The following SLC12A7 variants were observed in gnomAD, a reference collection of about 807,000 sequenced individuals.
SLC12A7 encodes the protein solute carrier family 12 member 7, also known as K-Cl cotransporter 4.
In SLC12A7, 100 loss-of-function variants were observed where a neutral mutation model predicts 120.6. The observed-to-expected ratio is 0.83, with a 90% CI of 0.71 to 0.98. The LOEUF (loss-of-function observed/expected upper bound fraction) is 0.98, where lower values mean the gene tolerates loss of function less well. SLC12A7 is among the 50% of genes least tolerant of loss of function. SLC12A7 has a pLI of 0.00. For missense variants in SLC12A7, 1,373 were observed against 1,548.1 expected (o/e 0.89, Z 1.90); for synonymous variants, 760 against 678.0 (o/e 1.12, Z -1.88).
At chr5:1,080,425 C>T (rs141890143) in intron 9 of SLC12A7, among the ~76,000 whole-genome samples, 107 of 152,318 alleles carry the variant, frequency 7.0e-4, no homozygotes, top group East Asian at 2.9e-3. Flanking sequence ...CATAGCAAGA[C>T]GGGCCCACCT....
the SLC12A7 span, among the ~76,000 whole-genome samples, chr5:1,149,015 C>T: frequency 2.6e-5 from 4 of 151,698 alleles, no homozygotes; most frequent in South Asian, 2.1e-4. Flanking sequence ...CATCCACCCA[C>T]GGACAACTGG....
chr5:1,120,164 C>T, the SLC12A7 span, among the ~76,000 whole-genome samples: 3 of 152,374 alleles, frequency 2.0e-5, 1 homozygote, highest in African/African-American at 4.8e-5. Context: ...GACCCTGCCA[C>T]AGCCCCAAAC....
At chr5:1,056,687 G>C in intron 22 of SLC12A7, 1 of 605,296 alleles carries the variant, frequency 1.7e-6, no homozygotes, top group South Asian at 7.3e-5. Context: ...GGAGGACGCC[G>C]CCTCATCCCA....
intron 1 of SLC12A7, among the ~76,000 whole-genome samples, chr5:1,097,764 G>C (rs1741415031): frequency 6.6e-6 from 1 of 152,130 alleles, no homozygotes. Flanking sequence ...GTGAGCGTGT[G>C]TTCAGCCACC....
Position 1,064,239 on chromosome 5 carries a change from G to A in SLC12A7, c.2451C>T (p.Asp817=). The change falls in exon 19 of 24, where the codon GAC becomes GAT. Residue 817 remains aspartate (D), a synonymous_variant. Coordinates refer to ENST00000264930, the MANE Select transcript of SLC12A7 (RefSeq NM_006598.3). Reference sequence around the variant, plus strand: ...GCAGAGCCTGGTGCGCGGCGGTGGTGTCGCGGACGGTGTCTGCGGAGAGAG... The same window carrying A: ...GCAGAGCCTGGTGCGCGGCGGTGGTATCGCGGACGGTGTCTGCGGAGAGAG... The part of the protein sequence containing the change: ...SWKNFVDTVR[D]TTAAHQALLV... 1 of 1,610,404 alleles carries A rather than the reference G, an allele frequency of 6.2e-7. No homozygotes were observed.
intron 1 of SLC12A7, among the ~76,000 whole-genome samples, chr5:1,098,982 G>A (rs567552445): frequency 1.3e-5 from 2 of 152,106 alleles, no homozygotes; most frequent in East Asian, 3.9e-4. Flanking sequence ...ATGACCGGAA[G>A]GCTGAGAGGA....
the SLC12A7 span, among the ~76,000 whole-genome samples, chr5:1,146,322 G>A: frequency 5.3e-5 from 8 of 151,558 alleles, no homozygotes; most frequent in African/African-American, 1.9e-4. The surrounding 1 kb of genome is among the most constrained non-coding windows in gnomAD (Gnocchi z 6.5). Flanking sequence ...GTGACCCCTG[G>A]AGGTGACCAC....
intron 17 of SLC12A7, among the ~76,000 whole-genome samples, chr5:1,073,391 C>G (rs1007473750): frequency 1.3e-5 from 2 of 152,192 alleles, no homozygotes; most frequent in African/African-American, 4.8e-5. Flanking sequence ...CGGGAGGAGG[C>G]GGTCCCAGGG....
At chr5:1,057,159 C>T (rs1202567967) in intron 22 of SLC12A7, 1 of 323,466 alleles carries the variant, frequency 3.1e-6, no homozygotes, top group African/African-American at 2.1e-5. Context: ...GCGCTTGGCA[C>T]TAGAAGGACC....
At chr5:1,076,085 C>CA in intron 14 of SLC12A7, 53 bp downstream of exon 14, 1 of 1,470,936 alleles carries the variant, frequency 6.8e-7, no homozygotes, top group African/African-American at 1.4e-5. Flanking sequence ...GTGGCAGAGG[C>CA]ACCCAGTGTC....
intron 1 of SLC12A7, among the ~76,000 whole-genome samples, chr5:1,110,297 C>T (rs547054770): frequency 1.3e-5 from 2 of 152,354 alleles, no homozygotes; most frequent in Admixed American, 1.3e-4. Flanking sequence ...CACACCTGGC[C>T]CATGCCCTCC....
the SLC12A7 span, among the ~76,000 whole-genome samples, chr5:1,152,842 A>G: frequency 6.6e-6 from 1 of 152,298 alleles, no homozygotes; most frequent in East Asian, 1.9e-4. Flanking sequence ...CTGTGAGCAG[A>G]GAGGAGCTGT....
At chr5:1,076,430 C>T (rs1216876413) in intron 13 of SLC12A7, among the ~76,000 whole-genome samples, 194 bp from the exon 14 acceptor site, 3 of 151,056 alleles carry the variant, frequency 2.0e-5, no homozygotes, top group African/African-American at 7.3e-5. Flanking sequence ...CTGTGACCAC[C>T]TGGTCCATCA....
intron 9 of SLC12A7, among the ~76,000 whole-genome samples, chr5:1,080,701 A>C (rs761761093): frequency 6.6e-6 from 1 of 152,132 alleles, no homozygotes; most frequent in East Asian, 1.9e-4. Flanking sequence ...CCTGGGGAAC[A>C]ACCAAGGGCC....
the SLC12A7 span, among the ~76,000 whole-genome samples, chr5:1,141,984 G>C: frequency 6.6e-6 from 1 of 152,166 alleles, no homozygotes; most frequent in Non-Finnish European, 1.5e-5. Flanking sequence ...CTGTTGCTTA[G>C]AGATACCCCT....
chr5:1,123,019 C>T, the SLC12A7 span, among the ~76,000 whole-genome samples: 1 of 152,248 alleles, frequency 6.6e-6, no homozygotes, highest in Non-Finnish European at 1.5e-5. Context: ...GCTCCTCTGT[C>T]CTGTTACCTG....
At chr5:1,130,537 C>T in the SLC12A7 span, among the ~76,000 whole-genome samples, 2 of 151,838 alleles carry the variant, frequency 1.3e-5, no homozygotes, top group Non-Finnish European at 2.9e-5. Context: ...CCTCCTTAGC[C>T]AGGGCGGCTG....
chr5:1,077,823 C>G lies in SLC12A7; in HGVS notation c.1629+10G>C, dbSNP rs758818801. 3 of 1,572,190 alleles carry G rather than the reference C, an allele frequency of 1.9e-6. No individual in the cohort carries two copies. In the Middle Eastern group the frequency reaches 5.4e-4, roughly 281 times the overall value. ...TTCCAGGGTCCCCCCGACGAGGGTGCGGGACTCACCTGCAGGAAGGGGACG... is the reference window on the plus strand; with the variant it reads ...TTCCAGGGTCCCCCCGACGAGGGTGGGGGACTCACCTGCAGGAAGGGGACG... On this transcript the variant is annotated intron_variant, in intron 12 of 23. Transcript: ENST00000264930.
intron 4 of SLC12A7, 59 bp from the exon 5 acceptor site, chr5:1,088,419 A>T: frequency 6.6e-7 from 1 of 1,522,440 alleles, no homozygotes; most frequent in Non-Finnish European, 8.9e-7. Flanking sequence ...CGGCATCGCA[A>T]CACTCCCAAG....
Sources: allele counts gnomAD v4.1 joint callset (sites outside exome capture counted in the v4.1 genomes callset), GRCh38; gene constraint gnomAD v4.1.1; non-coding constraint Gnocchi (gnomAD v3.1); transcripts MANE v1.5; gene names NCBI Gene and HGNC (gene_info 2026-07-23, HGNC 2026-07-21).